Variants in RC3H2 observed in about 807,000 individuals in gnomAD.
RC3H2 encodes the protein ring finger and CCCH-type domains 2.
Under a neutral mutation model 133.3 loss-of-function variants are expected in RC3H2, and 31 were observed. That is an observed-to-expected ratio of 0.23 (90% confidence interval 0.17 to 0.31). The LOEUF (loss-of-function observed/expected upper bound fraction) is 0.31. Among genes scored for constraint, RC3H2 ranks in the 10% least tolerant of loss-of-function variants. The probability of loss-of-function intolerance (pLI) is 1.00; values close to 1 mark genes in which losing one functional copy is unlikely to be tolerated. For synonymous variants in RC3H2, 517 were observed against 502.2 expected (o/e 1.03, Z -0.40); for missense variants, 1,175 against 1,437.2 (o/e 0.82, Z 2.95).
At chr9:122,873,095 GTAT>G (rs1240470932) in intron 9 of RC3H2, among the ~76,000 whole-genome samples, 1 of 152,160 alleles carries the variant, frequency 6.6e-6, no homozygotes, top group African/African-American at 2.4e-5. Context: ...TTAGAGGGGT[GTAT>G]AATAGAGAAA....
chr9:122,875,478 CTGT>C, intron 9 of RC3H2: 1 of 1,380,366 alleles, frequency 7.2e-7, no homozygotes, highest in Non-Finnish European at 9.5e-7. Flanking sequence ...TTGTCTGTGG[CTGT>C]TTTTTTGCTA....
chr9:122,854,019 G>C lies in RC3H2; in HGVS notation c.3050C>G (p.Ser1017Cys). 1 of 1,614,154 alleles carries C rather than the reference G, an allele frequency of 6.2e-7. No individual in the cohort carries two copies. The highest frequency in any genetic ancestry group is 8.5e-7 in the Non-Finnish European group (1 of 1,180,026). The change falls in exon 18 of 21, where the codon TCC becomes TGC. Residue 1017 changes from serine to cysteine, a missense_variant. Around this residue, in one of 8 missense-constraint regions of RC3H2, gnomAD observed 138 missense variants for 215.0 expected, o/e 0.64. Coordinates refer to ENST00000357244, the MANE Select transcript of RC3H2 (RefSeq NM_001100588.3). ...NALAMQQKWNSLDEGRHLTLN... is the reference protein window; with the variant it reads ...NALAMQQKWNCLDEGRHLTLN... ...GGTAAGGTGACGGCCTTCATCCAGG[G>C]AATTCCACTTCTGTTGCATGGCCAA...
At chr9:122,904,979 G>A in intron 1 of RC3H2, 131 bp downstream of exon 1, 2 of 621,006 alleles carry the variant, frequency 3.2e-6, no homozygotes, top group Non-Finnish European at 4.0e-6. Context: ...GCGGCCCTCA[G>A]TTCCCAACCC....
Position 122,865,423 on chromosome 9 carries a change from G to T in RC3H2, c.1560C>A (p.Thr520=), listed in dbSNP as rs1463786314. 1 of 1,614,130 alleles carries T rather than the reference G, an allele frequency of 6.2e-7. No homozygotes were observed. The highest frequency in any genetic ancestry group is 1.3e-5 in the African/African-American group (1 of 75,040). ...STDSTLRALE[T]VKKVGKVGAN... Reference sequence around the variant, plus strand: ...CGCCAACCTTTCCCACTTTCTTCACGGTCTCCAGAGCTCTTAAGGTACTGT... The same window carrying T: ...CGCCAACCTTTCCCACTTTCTTCACTGTCTCCAGAGCTCTTAAGGTACTGT... Residue 520 remains threonine, a synonymous_variant, in exon 10 of 21, where the codon ACC becomes ACA. Coordinates refer to ENST00000357244, the MANE Select transcript of RC3H2 (RefSeq NM_001100588.3).
At chr9:122,888,894 C>G (rs1399625160) in intron 4 of RC3H2, among the ~76,000 whole-genome samples, 1 of 151,938 alleles carries the variant, frequency 6.6e-6, no homozygotes, top group African/African-American at 2.4e-5. Context: ...CAGATGTTGC[C>G]AAATTCCTTT....
rs780406589 is a variant in RC3H2 at position 122,854,035 on chromosome 9, G to T, written c.3034C>A (p.Gln1012Lys). Residue 1012 changes from glutamine to lysine, a missense_variant, in exon 18 of 21, where the codon CAA (glutamine) becomes AAA (lysine). Coordinates refer to ENST00000357244, the MANE Select transcript of RC3H2 (RefSeq NM_001100588.3). Reference sequence around the variant, plus strand: ...TCATCCAGGGAATTCCACTTCTGTTGCATGGCCAAAGCATTGGCCTCTCTC... The same window carrying T: ...TCATCCAGGGAATTCCACTTCTGTTTCATGGCCAAAGCATTGGCCTCTCTC... Reference protein sequence around the residue: ...LQREANALAMQQKWNSLDEGR... With the variant: ...LQREANALAMKQKWNSLDEGR... The T allele has an allele frequency of 6.2e-7, 1 of 1,614,026 alleles. No homozygotes were observed. The highest frequency in any genetic ancestry group is 8.5e-7 in the Non-Finnish European group (1 of 1,180,050).
At chr9:122,854,891 G>T (rs925574178) in intron 15 of RC3H2, among the ~76,000 whole-genome samples, 3 of 152,200 alleles carry the variant, frequency 2.0e-5, no homozygotes, top group African/African-American at 7.2e-5. Flanking sequence ...ATCACATGAG[G>T]CCAGGAGTTC....
chr9:122,890,608 C>T (rs533011510), intron 3 of RC3H2, 63 bp from the exon 4 acceptor site: 201 of 1,251,874 alleles, frequency 1.6e-4, no homozygotes, highest in Admixed American at 8.2e-4. Flanking sequence ...AGTCAATTTT[C>T]ATTATCTGCA....
chr9:122,905,319 C>A lies in RC3H2; in HGVS notation c.-277G>T, dbSNP rs773275477. The A allele has an allele frequency of 1.0e-6, 1 of 982,226 alleles. No individual in the cohort carries two copies. Among genetic ancestry groups the A allele is most frequent in the Non-Finnish European group, 1.2e-6 (1 of 826,784 alleles). The allele number at this position is 982,226 out of a possible 1,614,324, so 60.8% of individuals were successfully genotyped here. On this transcript the variant is annotated 5_prime_UTR_variant, in exon 1 of 21. Transcript: ENST00000357244. The stretch of plus-strand genomic sequence containing the variant: ...CCTCCTCCCTCCACCTCCGCCTCCT[C>A]CTCCTCCTCCTCCTCACCACGGAGG...
At position 122,865,367 on chromosome 9, in the gene RC3H2, G is replaced by A; in HGVS notation, c.1616C>T (p.Ala539Val). The A allele has an allele frequency of 6.2e-7, 1 of 1,605,524 alleles. No homozygotes were observed. Among genetic ancestry groups the A allele is most frequent in the Non-Finnish European group, 8.5e-7 (1 of 1,173,150 alleles). Residue 539 changes from alanine (A) to valine (V), a missense_variant, in exon 10 of 21, where the codon GCA (alanine) becomes GTA (valine). By Grantham distance (64) the Ala-to-Val change is moderately conservative. Around this residue, in one of 8 missense-constraint regions of RC3H2, gnomAD observed 490 missense variants for 492.8 expected, o/e 0.99. Transcript: ENST00000357244. Reference protein sequence around the residue: ...ANGQNAAGPSADSVTENKIGS... With the variant: ...ANGQNAAGPSVDSVTENKIGS... ...TACCTACTTTTCAGTTACAGAATCT[G>A]CAGAGGGCCCAGCAGCATTCTGACC...
intron 4 of RC3H2, among the ~76,000 whole-genome samples, chr9:122,886,522 ACGTTCTCAT>A (rs1417653846): frequency 6.6e-6 from 1 of 152,170 alleles, no homozygotes; most frequent in African/African-American, 2.4e-5. Context: ...CACATTCTCC[ACGTTCTCAT>A]CAACATTGGT....
chr9:122,880,190 T>C, intron 6 of RC3H2, 65 bp from the exon 7 acceptor site: 1 of 1,510,272 alleles, frequency 6.6e-7, no homozygotes. Context: ...CTCAAATACT[T>C]TCAATTTATC....
At chr9:122,903,109 TTAAA>T (rs979560952) in intron 1 of RC3H2, among the ~76,000 whole-genome samples, 1 of 151,792 alleles carries the variant, frequency 6.6e-6, no homozygotes, top group Non-Finnish European at 1.5e-5. Flanking sequence ...TCTAGAATAT[TTAAA>T]TTATAAAGTA....
At chr9:122,892,299 G>A (rs905962361) in intron 3 of RC3H2, among the ~76,000 whole-genome samples, 1 of 152,148 alleles carries the variant, frequency 6.6e-6, no homozygotes, top group African/African-American at 2.4e-5. Flanking sequence ...TTTTAGTAGA[G>A]ATGGGCTTTC....
chr9:122,858,166 G>A (rs897769512), intron 12 of RC3H2, 73 bp from the exon 13 acceptor site: 13 of 1,386,352 alleles, frequency 9.4e-6, no homozygotes, highest in South Asian at 1.3e-5. Flanking sequence ...TGAAAATGAT[G>A]TAAACAGTTT....
rs536568119 is a variant in RC3H2 at position 122,880,844 on chromosome 9, T to A, written c.760-50A>T. ...CAGAATTGGTCTGTGCTTTCTCCCT[T>A]CAACTGATTCGTTTATTCCTTTTTC... On this transcript the variant is annotated intron_variant, in intron 5 of 20. Transcript: ENST00000357244. 3.0e-6 allele frequency: 4 copies of A among 1,342,834 alleles called. No homozygotes were observed. In the East Asian group the frequency reaches 9.3e-5, roughly 31 times the overall value. 83.2% of individuals were successfully genotyped at this position (1,342,834 alleles called of 1,614,324 possible).
rs1287952399 is a variant in RC3H2 at position 122,858,911 on chromosome 9, C to T, written c.2041G>A (p.Gly681Arg). The T allele has an allele frequency of 3.1e-6, 5 of 1,614,246 alleles. No homozygotes were observed. The South Asian group carries it at 5.5e-5, about 18-fold the overall frequency. The change falls in exon 12 of 21, where the codon GGA becomes AGA. Residue 681 changes from glycine to arginine, a missense_variant. Physicochemically the swap from Gly to Arg is moderately radical, Grantham distance 125 (BLOSUM62 -2). This residue lies in a region of RC3H2 where 490 missense variants were observed against 492.8 expected (regional missense o/e 0.99). Transcript: ENST00000357244. ...PYQPPPPQPY[G>R]PVPPVPSGMY... Reference sequence around the variant, plus strand: ...CCAGAAGGTACTGGAGGAACTGGTCCATACGGCTGCGGAGGAGGAGGCTGG... The same window carrying T: ...CCAGAAGGTACTGGAGGAACTGGTCTATACGGCTGCGGAGGAGGAGGCTGG...
At chr9:122,905,055 G>A in intron 1 of RC3H2, 55 bp downstream of exon 1, 2 of 981,242 alleles carry the variant, frequency 2.0e-6, no homozygotes, top group Non-Finnish European at 2.4e-6. Flanking sequence ...CCGACCGCCG[G>A]GGACCAGGCA....
chr9:122,852,378 C>T (rs1213680006), intron 18 of RC3H2, among the ~76,000 whole-genome samples: 11 of 149,318 alleles, frequency 7.4e-5, no homozygotes, highest in South Asian at 2.1e-4. Context: ...CGTCTCCGCC[C>T]GGCAGCCGCC....
Sources: allele counts gnomAD v4.1 joint callset (sites outside exome capture counted in the v4.1 genomes callset), GRCh38; gene constraint gnomAD v4.1.1; regional missense constraint gnomAD v4.1.1; transcripts MANE v1.5; gene names NCBI Gene and HGNC (gene_info 2026-07-23, HGNC 2026-07-21).